Variants in UNC5C observed in about 807,000 individuals in gnomAD.
UNC5C encodes unc-5 netrin receptor C.
A neutral mutation model predicts 99.8 loss-of-function variants in UNC5C; 47 were observed. That is an observed-to-expected ratio of 0.47 (90% CI 0.37 to 0.60). The LOEUF is 0.60. UNC5C is among the 20% of genes least tolerant of loss of function. The pLI, the probability that UNC5C is intolerant of heterozygous loss-of-function variation, is 0.00. For synonymous variants in UNC5C, 487 were observed against 452.2 expected (o/e 1.08, Z -0.98); for missense variants, 1,062 against 1,165.9 (o/e 0.91, Z 1.30).
chr4:95,435,013 A>G (rs1746736788), intron 1 of UNC5C, among the ~76,000 whole-genome samples: 1 of 152,116 alleles, frequency 6.6e-6, no homozygotes, highest in Non-Finnish European at 1.5e-5. Context: ...TGCATGTCCC[A>G]CACTTTCATT....
chr4:95,302,962 T>C (rs969982809), intron 2 of UNC5C, among the ~76,000 whole-genome samples: 1 of 152,084 alleles, frequency 6.6e-6, no homozygotes, highest in Admixed American at 6.6e-5. Flanking sequence ...GTGTGAGTAA[T>C]CAGGGAACCC....
chr4:95,370,369 G>A (rs191035721), intron 1 of UNC5C, among the ~76,000 whole-genome samples: 4 of 151,880 alleles, frequency 2.6e-5, no homozygotes, highest in Non-Finnish European at 4.4e-5. Context: ...ATATTATATA[G>A]CATCATCTAG....
intron 1 of UNC5C, among the ~76,000 whole-genome samples, chr4:95,502,867 G>A (rs1049806335): frequency 2.0e-5 from 3 of 152,028 alleles, no homozygotes; most frequent in African/African-American, 2.4e-5. Flanking sequence ...TTTCTCTCCC[G>A]CAAAGAATCG....
At chr4:95,449,425 T>G (rs1029391268) in intron 1 of UNC5C, among the ~76,000 whole-genome samples, 1 of 152,206 alleles carries the variant, frequency 6.6e-6, no homozygotes, top group Non-Finnish European at 1.5e-5. Context: ...AATTCTAAAT[T>G]TGTTATAATG....
chr4:95,343,465 C>T (rs1423737754), intron 1 of UNC5C, among the ~76,000 whole-genome samples: 2 of 152,050 alleles, frequency 1.3e-5, no homozygotes, highest in East Asian at 3.9e-4. Context: ...GCTTGGGATG[C>T]CACCTAATGC....
intron 1 of UNC5C, among the ~76,000 whole-genome samples, chr4:95,518,306 G>A (rs1055545333): frequency 7.9e-5 from 12 of 152,082 alleles, no homozygotes; most frequent in Non-Finnish European, 1.3e-4. Flanking sequence ...GATGATCCTT[G>A]TTCCCTTTCT....
At chr4:95,195,922 T>C (rs1467751221) in intron 12 of UNC5C, among the ~76,000 whole-genome samples, 1 of 150,702 alleles carries the variant, frequency 6.6e-6, no homozygotes, top group East Asian at 1.9e-4. Context: ...AAAGCCAGGT[T>C]ATGTTAATAC....
chr4:95,335,465 A>G lies in UNC5C; in HGVS notation c.291T>C (p.Ser97=), dbSNP rs4699423. The G allele has an allele frequency of 0.46, 739,573 of 1,611,764 alleles. 177,491 individuals are homozygous for G. Among genetic ancestry groups the G allele is most frequent in the East Asian group, 0.84 (37,837 of 44,784 alleles). ...TGTGGTCCTTCTGATGAACCCATTCACTATTACACTTGAAATAGATCTGGG... is the reference window on the plus strand; with the variant it reads ...TGTGGTCCTTCTGATGAACCCATTCGCTATTACACTTGAAATAGATCTGGG... The part of the protein sequence containing the change: ...PATQIYFKCN[S]EWVHQKDHIV... Residue 97 remains serine, a synonymous_variant, in exon 2 of 16, where the codon AGT becomes AGC. Coordinates refer to ENST00000453304, the MANE Select transcript of UNC5C (RefSeq NM_003728.4).
chr4:95,496,546 T>C (rs1721635216), intron 1 of UNC5C, among the ~76,000 whole-genome samples: 1 of 151,854 alleles, frequency 6.6e-6, no homozygotes. Flanking sequence ...GAATCACTTT[T>C]AGTTCATCCT....
intron 1 of UNC5C, among the ~76,000 whole-genome samples, chr4:95,529,284 A>G (rs1560495464): frequency 6.8e-6 from 1 of 148,066 alleles, no homozygotes; most frequent in African/African-American, 2.5e-5. Context: ...ATGTATTTAT[A>G]TGTATATATG....
chr4:95,425,390 C>T (rs1409499866), intron 1 of UNC5C, among the ~76,000 whole-genome samples: 5 of 152,342 alleles, frequency 3.3e-5, no homozygotes, highest in Admixed American at 3.3e-4. Context: ...GGCGCGATCT[C>T]GGCTCACTGC....
chr4:95,324,813 A>G (rs1404894533), intron 2 of UNC5C, among the ~76,000 whole-genome samples: 1 of 152,180 alleles, frequency 6.6e-6, no homozygotes, highest in African/African-American at 2.4e-5. Flanking sequence ...GCAGGCCCTC[A>G]TCACACAATG....
intron 10 of UNC5C, among the ~76,000 whole-genome samples, chr4:95,214,691 A>G (rs1191062215): frequency 1.3e-5 from 2 of 152,220 alleles, no homozygotes; most frequent in Non-Finnish European, 2.9e-5. Context: ...GTTTCTCACC[A>G]TAAAGCACAA....
intron 1 of UNC5C, among the ~76,000 whole-genome samples, chr4:95,337,515 T>C (rs1044735978): frequency 2.0e-5 from 3 of 151,970 alleles, no homozygotes; most frequent in African/African-American, 7.2e-5. Flanking sequence ...TATTTTATTG[T>C]AAACTACTGA....
At chr4:95,399,159 C>T (rs1276132707) in intron 1 of UNC5C, among the ~76,000 whole-genome samples, 1 of 151,864 alleles carries the variant, frequency 6.6e-6, no homozygotes, top group African/African-American at 2.4e-5. Flanking sequence ...TTTTAAGTCC[C>T]TAAAATAAAA....
intron 1 of UNC5C, among the ~76,000 whole-genome samples, chr4:95,491,589 C>A (rs1281631604): frequency 6.6e-6 from 1 of 151,612 alleles, no homozygotes; most frequent in Non-Finnish European, 1.5e-5. Context: ...GATTCCTTCA[C>A]CCGCTAGTGA....
intron 1 of UNC5C, among the ~76,000 whole-genome samples, chr4:95,389,363 GT>G (rs1227918059): frequency 2.6e-5 from 4 of 152,144 alleles, no homozygotes; most frequent in Non-Finnish European, 4.4e-5. Context: ...TGTAGGTAAT[GT>G]TTGCATTGCA....
intron 12 of UNC5C, among the ~76,000 whole-genome samples, chr4:95,199,159 G>GTAT: frequency 6.6e-6 from 1 of 152,112 alleles, no homozygotes; most frequent in Non-Finnish European, 1.5e-5. Flanking sequence ...GCAAGAGGAA[G>GTAT]TATTTCTGGG....
rs1271325520 is a variant in UNC5C, at chr4:95,167,586, A to T, written c.*1648T>A. ...TATCAAGATGCCAAGACAATAATAA[A>T]AAACAGAATTTGCAACCAGTCAGGA... On this transcript the variant is annotated 3_prime_UTR_variant, in exon 16 of 16. Coordinates refer to ENST00000453304, the MANE Select transcript of UNC5C (RefSeq NM_003728.4). 1 of 152,232 alleles carries T rather than the reference A, an allele frequency of 6.6e-6. No homozygotes were observed. The highest frequency in any genetic ancestry group is 1.5e-5 in the Non-Finnish European group (1 of 68,052). 9.4% of individuals were successfully genotyped at this position (152,232 alleles called of 1,614,324 possible). A position where few individuals can be genotyped will look rare whatever the true frequency, so the allele number is the denominator to read the frequency against.
Sources: allele counts gnomAD v4.1 joint callset (sites outside exome capture counted in the v4.1 genomes callset), GRCh38; gene constraint gnomAD v4.1.1; transcripts MANE v1.5; gene names NCBI Gene and HGNC (gene_info 2026-07-23, HGNC 2026-07-21).